MID1: variants seen among roughly 807,000 people sequenced by gnomAD.
MID1 encodes E3 ubiquitin-protein ligase Midline-1.
MID1 carries 7 observed loss-of-function variants against 40.4 expected under a neutral mutation model. The ratio of observed to expected loss-of-function variants is 0.17; its 90% CI spans 0.10 to 0.33. MID1 has a LOEUF of 0.33. MID1 is among the 10% of genes least tolerant of loss of function. The pLI is 1.00. For synonymous variants in MID1, 229 were observed against 221.2 expected, an observed-to-expected ratio of 1.04 and a Z score of -0.31; for missense variants, 367 against 558.5, an observed-to-expected ratio of 0.66 and a Z score of 3.46.
intron 8 of MID1, among the ~76,000 whole-genome samples, chrX:10,456,712 C>T (rs1214013884): frequency 9.0e-6 from 1 of 111,471 alleles, no homozygotes; most frequent in Non-Finnish European, 1.9e-5. Context: ...TGGCGGACAC[C>T]TGTAATTCCA....
At chrX:10,450,602 G>A (rs949882965) in intron 9 of MID1, among the ~76,000 whole-genome samples, 48 of 111,961 alleles carry the variant, frequency 4.3e-4, no homozygotes, top group African/African-American at 1.5e-3. Context: ...CCACAAACAC[G>A]AACTACATTC....
chrX:10,608,063 A>G (rs924771780), intron 1 of MID1, among the ~76,000 whole-genome samples: 1 of 112,377 alleles, frequency 8.9e-6, no homozygotes, highest in Non-Finnish European at 1.9e-5. Flanking sequence ...ACACCACTAC[A>G]CACCTACCAG....
chrX:10,745,597 A>G (rs2043552116), intron 1 of MID1, among the ~76,000 whole-genome samples: 1 of 112,644 alleles, frequency 8.9e-6, no homozygotes, highest in African/African-American at 3.2e-5. Context: ...GCTCAACAGA[A>G]GCATTACAAA....
chrX:10,558,910 A>G (rs1934228264), intron 2 of MID1, among the ~76,000 whole-genome samples: 3 of 112,369 alleles, frequency 2.7e-5, no homozygotes, highest in African/African-American at 9.7e-5. Flanking sequence ...GAGCTTACCA[A>G]GAATGATTCC....
At chrX:10,649,522 A>G (rs1360311084) in intron 1 of MID1, among the ~76,000 whole-genome samples, 2 of 112,285 alleles carry the variant, frequency 1.8e-5, no homozygotes, top group African/African-American at 6.5e-5. Context: ...TTTGTGAATC[A>G]TATCATGTTT....
At chrX:10,706,753 C>T (rs1035938256) in intron 1 of MID1, among the ~76,000 whole-genome samples, 1 of 111,494 alleles carries the variant, frequency 9.0e-6, no homozygotes, top group African/African-American at 3.3e-5. Context: ...AATGTAGAGT[C>T]TGACATACAA....
chrX:10,726,555 A>G (rs1199373492), intron 1 of MID1, among the ~76,000 whole-genome samples: 2 of 111,958 alleles, frequency 1.8e-5, no homozygotes, highest in Non-Finnish European at 1.9e-5. Flanking sequence ...AATTATAGCC[A>G]GTCCTGGTTG....
intron 2 of MID1, among the ~76,000 whole-genome samples, chrX:10,532,538 T>A (rs902197398): frequency 9.0e-6 from 1 of 110,902 alleles, no homozygotes; most frequent in Non-Finnish European, 1.9e-5. Context: ...CCCTGTCTTT[T>A]AAAATAAATA....
intron 5 of MID1, among the ~76,000 whole-genome samples, chrX:10,481,883 T>A (rs1385680874): frequency 1.8e-5 from 2 of 112,377 alleles, no homozygotes; most frequent in Non-Finnish European, 3.8e-5. Flanking sequence ...ACCATTCAGA[T>A]AACATCACAT....
At chrX:10,619,792 C>T (rs926067805) in intron 1 of MID1, among the ~76,000 whole-genome samples, 1 of 112,252 alleles carries the variant, frequency 8.9e-6, no homozygotes, top group Non-Finnish European at 1.9e-5. Flanking sequence ...TCTGGAAGGA[C>T]TGTCTGTGCT....
intron 1 of MID1, among the ~76,000 whole-genome samples, chrX:10,761,397 C>A (rs182248674): frequency 3.7e-4 from 41 of 111,946 alleles, no homozygotes; most frequent in African/African-American, 1.3e-3. Context: ...TGTTCTCTGA[C>A]CAAGTACACT....
Position 10,722,424 on chromosome X carries a change from G to A in MID1, c.-186-102005C>T, listed in dbSNP as rs764465365. 5.4e-5 allele frequency among the ~76,000 whole-genome samples: 6 copies of A among 111,846 alleles called. No individual in the cohort carries two copies. In the East Asian group the frequency reaches 1.7e-3, roughly 31 times the overall value. ...TAAATAGTCCCCAAGGGCAAAAATG[G>A]CCATTCCAGTGGGGGAAAGCAAAAA... On this transcript the variant is annotated intron_variant, in intron 1 of 10. Transcript: ENST00000380785.
chrX:10,501,923 A>T (rs1466393170), intron 3 of MID1, among the ~76,000 whole-genome samples: 2 of 112,197 alleles, frequency 1.8e-5, no homozygotes, highest in African/African-American at 3.2e-5. Flanking sequence ...AAAGAGGACA[A>T]ATATTTTTTC....
intron 2 of MID1, among the ~76,000 whole-genome samples, chrX:10,558,126 C>A: frequency 9.1e-6 from 1 of 110,184 alleles, no homozygotes; most frequent in Non-Finnish European, 1.9e-5. Flanking sequence ...TGGCCTAAAC[C>A]CTTAACCTTG....
intron 1 of MID1, among the ~76,000 whole-genome samples, chrX:10,619,214 G>A (rs1935891679): frequency 8.9e-6 from 1 of 112,144 alleles, no homozygotes; most frequent in African/African-American, 3.2e-5. Context: ...CAGAAAGTTC[G>A]AAACCCCTCC....
intron 1 of MID1, among the ~76,000 whole-genome samples, chrX:10,808,883 T>C (rs1169438815): frequency 8.9e-6 from 1 of 112,012 alleles, no homozygotes; most frequent in African/African-American, 3.2e-5. Flanking sequence ...ACTTCATGTC[T>C]AAAACACCAA....
intron 1 of MID1, among the ~76,000 whole-genome samples, chrX:10,756,081 A>G (rs2043631144): frequency 8.9e-6 from 1 of 112,223 alleles, no homozygotes; most frequent in African/African-American, 3.2e-5. Flanking sequence ...AATGAAATGA[A>G]CAAGATATCC....
chrX:10,472,161 A>C (rs1929744628), intron 6 of MID1, among the ~76,000 whole-genome samples: 1 of 112,348 alleles, frequency 8.9e-6, no homozygotes, highest in Non-Finnish European at 1.9e-5. Flanking sequence ...CTAATACTCC[A>C]CAAAGACTTC....
rs747930760 is a variant in MID1, at chrX:10,508,021, C to T, written c.757-12330G>A. Among the ~76,000 whole-genome samples, 10 of 112,054 alleles carry T rather than the reference C, an allele frequency of 8.9e-5. No homozygotes were observed. In the South Asian group the frequency reaches 3.4e-3, roughly 38 times the overall value. On this transcript the variant is annotated intron_variant, in intron 3 of 9. Transcript: ENST00000317552. ...GGAGATGAGGTCATTCTTGTTATTC[C>T]ATGAATGAGGAAGATGCTATCAATG...
Sources: allele counts gnomAD v4.1 joint callset (sites outside exome capture counted in the v4.1 genomes callset), GRCh38; gene constraint gnomAD v4.1.1; transcripts MANE v1.5; gene names NCBI Gene and HGNC (gene_info 2026-07-23, HGNC 2026-07-21).